The following BCCIP variants were observed in gnomAD, a reference collection of about 807,000 sequenced individuals.
The protein encoded by BCCIP is BRCA2 and CDKN1A interacting protein.
BCCIP carries 23 observed loss-of-function variants against 32.8 expected under a neutral mutation model. The ratio of observed to expected loss-of-function variants is 0.70; its 90% confidence interval spans 0.51 to 0.99. The LOEUF is 0.99. BCCIP is among the 50% of genes least tolerant of loss of function. BCCIP has a pLI of 0.00. For missense variants in BCCIP, 378 were observed against 379.8 expected (o/e 1.00, Z 0.04); for synonymous variants, 144 against 137.6 (o/e 1.05, Z -0.33).
downstream of BCCIP, among the ~76,000 whole-genome samples, chr10:125,846,326 C>T (rs533680603): frequency 5.3e-4 from 80 of 152,178 alleles, no homozygotes; most frequent in African/African-American, 1.9e-3. Flanking sequence ...ACTGGCAGCC[C>T]CAGAACAACC....
chr10:125,849,669 G>T (rs1376788291), intron 7 of BCCIP, among the ~76,000 whole-genome samples: 1 of 152,204 alleles, frequency 6.6e-6, no homozygotes, highest in African/African-American at 2.4e-5. Context: ...AGAGCTATGG[G>T]GAGGGCCACA....
chr10:125,834,073 C>G (rs1307077077), intron 6 of BCCIP, 127 bp downstream of exon 6: 3 of 1,015,958 alleles, frequency 3.0e-6, no homozygotes, highest in Non-Finnish European at 4.4e-6. Context: ...TTTTCTGTTT[C>G]CCCACAGGAC....
intron 7 of BCCIP, among the ~76,000 whole-genome samples, chr10:125,848,692 C>A (rs1417285402): frequency 6.6e-6 from 1 of 152,184 alleles, no homozygotes; most frequent in Non-Finnish European, 1.5e-5. Context: ...CTGCTTCTCA[C>A]ACCCATTAAA....
chr10:125,827,329 C>T (rs1222035266), intron 2 of BCCIP, among the ~76,000 whole-genome samples: 1 of 151,778 alleles, frequency 6.6e-6, no homozygotes, highest in Non-Finnish European at 1.5e-5. Flanking sequence ...TCCCTTTTTT[C>T]TCCCCCTCCC....
chr10:125,842,291 A>T (rs563762214), exon 7 of BCCIP: 1 of 211,682 alleles, frequency 4.7e-6, no homozygotes, highest in Non-Finnish European at 9.2e-6. Flanking sequence ...AGAGAGACAC[A>T]CAGATCTAAG....
intron 1 of BCCIP, among the ~76,000 whole-genome samples, chr10:125,824,922 G>T (rs76772595): frequency 8.0e-3 from 1,222 of 152,042 alleles, no homozygotes; most frequent in Non-Finnish European, 0.013. Context: ...CATGAGTCAT[G>T]ATGAGCATGG....
chr10:125,834,860 C>T (rs746871511), intron 6 of BCCIP, among the ~76,000 whole-genome samples: 10 of 150,546 alleles, frequency 6.6e-5, no homozygotes, highest in Non-Finnish European at 1.3e-4. Flanking sequence ...GAGCCAGGCA[C>T]GGTGGCTCAC....
chr10:125,836,942 TG>T (rs1854709769), downstream of BCCIP: 20 of 1,163,540 alleles, frequency 1.7e-5, no homozygotes, highest in Non-Finnish European at 2.5e-5. Flanking sequence ...TTCCCATCCC[TG>T]GAGAATCTAC....
intron 6 of BCCIP, 75 bp from the exon 7 acceptor site, chr10:125,836,029 T>G (rs1436063491): frequency 7.5e-7 from 1 of 1,329,950 alleles, no homozygotes; most frequent in Non-Finnish European, 1.1e-6. Context: ...AACGTAATAT[T>G]CTTTGCCGTA....
At chr10:125,838,602 G>T (rs1854775097), downstream of BCCIP, among the ~76,000 whole-genome samples, 1 of 152,180 alleles carries the variant, frequency 6.6e-6, no homozygotes, top group Admixed American at 6.5e-5. Context: ...TTCAGCAACA[G>T]CAGGGCACTG....
Position 125,830,754 on chromosome 10 carries a change from C to T in BCCIP, c.411+103C>T, listed in dbSNP as rs1854502791. The T allele has an allele frequency of 7.0e-6, 5 of 717,622 alleles. No individual in the cohort carries two copies. In the East Asian group the frequency reaches 1.0e-4, roughly 15 times the overall value. 44.5% of individuals were successfully genotyped at this position (717,622 alleles called of 1,614,324 possible). ...CTTTTATGTTAAACAGTGATATTAA[C>T]TATAGGGATAAGTGCTCTTGTGAAA... is the stretch of plus-strand genomic sequence containing the variant. On this transcript the variant is annotated intron_variant, in intron 4 of 6. Coordinates refer to ENST00000278100, the MANE Select transcript of BCCIP (RefSeq NM_078468.3).
downstream of BCCIP, chr10:125,841,448 C>A: frequency 6.5e-7 from 1 of 1,546,022 alleles, no homozygotes. Flanking sequence ...CCTCTAGTGA[C>A]ACATTTTCTT....
intron 7 of BCCIP, among the ~76,000 whole-genome samples, chr10:125,852,861 G>T (rs572182875): frequency 6.6e-6 from 1 of 152,302 alleles, no homozygotes; most frequent in East Asian, 1.9e-4. Context: ...TTTCATTGTG[G>T]CTTCAATAAC....
At chr10:125,852,677 T>A (rs944227273) in intron 7 of BCCIP, 1 of 1,564,228 alleles carries the variant, frequency 6.4e-7, no homozygotes, top group African/African-American at 1.4e-5. Context: ...TAGCGTCAGA[T>A]AAGTCATGAT....
chr10:125,850,724 T>C (rs184088494), intron 7 of BCCIP, among the ~76,000 whole-genome samples: 1 of 152,352 alleles, frequency 6.6e-6, no homozygotes, highest in Non-Finnish European at 1.5e-5. Flanking sequence ...CCATGCCTGT[T>C]TGTGTTTGGG....
At position 125,836,383 on chromosome 10, in the gene BCCIP, AAGT is replaced by A; in HGVS notation, c.*112_*114del. On this transcript the variant is annotated 3_prime_UTR_variant, in exon 7 of 7. Coordinates refer to ENST00000278100, the MANE Select transcript of BCCIP (RefSeq NM_078468.3). ...TATTCAGATTAAGTTCCTCTACAAAAAGTAGGGTTCTGTCCCATGTGTCTCTGA... is the reference window on the plus strand; with the variant it reads ...TATTCAGATTAAGTTCCTCTACAAAAAGGGTTCTGTCCCATGTGTCTCTGA... The A allele has an allele frequency of 1.3e-6, 2 of 1,557,360 alleles. No homozygotes were observed. The highest frequency in any genetic ancestry group is 2.4e-5 in the South Asian group (2 of 83,896).
At chr10:125,844,247 A>G (rs1354021270), downstream of BCCIP, among the ~76,000 whole-genome samples, 3 of 152,264 alleles carry the variant, frequency 2.0e-5, no homozygotes, top group Non-Finnish European at 4.4e-5. Flanking sequence ...TAAACAGAGC[A>G]GGAAGGGGCT....
chr10:125,847,607 G>C (rs1194383019), downstream of BCCIP, among the ~76,000 whole-genome samples: 1 of 152,214 alleles, frequency 6.6e-6, no homozygotes, highest in Non-Finnish European at 1.5e-5. Flanking sequence ...CCAGAGGGTG[G>C]AGAGGATGGT....
chr10:125,845,902 G>A (rs1944010381), downstream of BCCIP, among the ~76,000 whole-genome samples: 2 of 152,176 alleles, frequency 1.3e-5, no homozygotes, highest in Admixed American at 1.3e-4. Context: ...GCTCCTGCCC[G>A]TGACATGGAA....
Sources: gnomAD v4.1 joint callset for allele counts (sites outside exome capture counted in the v4.1 genomes callset) on GRCh38, gnomAD v4.1.1 for gene constraint, MANE v1.5 for transcripts, NCBI Gene and HGNC (gene_info 2026-07-23, HGNC 2026-07-21) for gene names.